The following SLC35F4 variants were observed in gnomAD, a reference collection of about 807,000 sequenced individuals.
SLC35F4 encodes solute carrier family 35 member F4, also known as chromosome 14 open reading frame 36.
SLC35F4 carries 24 observed loss-of-function variants against 44.2 expected under a neutral mutation model. That is an observed-to-expected ratio of 0.54 (90% CI 0.39 to 0.76). The LOEUF (loss-of-function observed/expected upper bound fraction) is 0.76, where lower values mean the gene tolerates loss of function less well. Among genes scored for constraint, SLC35F4 ranks in the 30% least tolerant of loss-of-function variants. SLC35F4 has a pLI of 0.00. For missense variants in SLC35F4, 562 were observed against 586.1 expected, an observed-to-expected ratio of 0.96 and a Z score of 0.42; for synonymous variants, 238 against 223.6, an observed-to-expected ratio of 1.06 and a Z score of -0.57.
chr14:57,669,759 C>G (rs920576221), intron 1 of SLC35F4, among the ~76,000 whole-genome samples: 2 of 151,980 alleles, frequency 1.3e-5, no homozygotes, highest in South Asian at 4.1e-4. Context: ...ATTTTTGCAT[C>G]AATGTTCACC....
intron 3 of SLC35F4, among the ~76,000 whole-genome samples, chr14:57,582,511 C>A (rs1280494230): frequency 6.6e-6 from 1 of 152,100 alleles, no homozygotes; most frequent in Non-Finnish European, 1.5e-5. Context: ...TCTGAGGGGC[C>A]ATTTTAATAA....
At chr14:57,592,559 T>C (rs2070256412) in intron 2 of SLC35F4, among the ~76,000 whole-genome samples, 2 of 152,316 alleles carry the variant, frequency 1.3e-5, no homozygotes, top group Admixed American at 6.5e-5. Context: ...ACATTTTGTT[T>C]TGCAAACAAC....
At chr14:57,791,364 C>A (rs1001302946) in intron 1 of SLC35F4, among the ~76,000 whole-genome samples, 1 of 152,088 alleles carries the variant, frequency 6.6e-6, no homozygotes, top group African/African-American at 2.4e-5. Context: ...TTATGGCCAA[C>A]AAACATGTGA....
chr14:57,808,020 A>G (rs913381089), intron 1 of SLC35F4, among the ~76,000 whole-genome samples: 1 of 151,632 alleles, frequency 6.6e-6, no homozygotes, highest in Non-Finnish European at 1.5e-5. Flanking sequence ...ATTATCATGA[A>G]CACAGCACAA....
At chr14:57,675,103 A>T (rs1009191660) in intron 1 of SLC35F4, among the ~76,000 whole-genome samples, 1 of 152,084 alleles carries the variant, frequency 6.6e-6, no homozygotes, top group African/African-American at 2.4e-5. Context: ...GGTAGAAAAC[A>T]ACCAGAACAG....
chr14:57,902,205 C>T (rs1889015153), intron 1 of SLC35F4, among the ~76,000 whole-genome samples: 1 of 152,126 alleles, frequency 6.6e-6, no homozygotes, highest in Non-Finnish European at 1.5e-5. Flanking sequence ...TTTGTCCAGT[C>T]CTTTTGAGAA....
chr14:57,650,380 CA>C (rs774573118), intron 1 of SLC35F4, among the ~76,000 whole-genome samples: 4 of 152,134 alleles, frequency 2.6e-5, no homozygotes, highest in Non-Finnish European at 4.4e-5. Flanking sequence ...TTTCTCTCCT[CA>C]GACATTTACA....
At chr14:57,967,392 T>A (rs533527376) in intron 1 of SLC35F4, among the ~76,000 whole-genome samples, 1 of 152,326 alleles carries the variant, frequency 6.6e-6, no homozygotes, top group East Asian at 1.9e-4. Flanking sequence ...TTCTTCTACA[T>A]CCTATTCCAT....
chr14:57,825,717 C>T (rs1039263934), intron 1 of SLC35F4, among the ~76,000 whole-genome samples: 1 of 152,042 alleles, frequency 6.6e-6, no homozygotes, highest in Non-Finnish European at 1.5e-5. Flanking sequence ...TTCCTATATA[C>T]CGACAATAGA....
At chr14:57,977,986 A>C (rs1410821140) in intron 1 of SLC35F4, among the ~76,000 whole-genome samples, 1 of 152,144 alleles carries the variant, frequency 6.6e-6, no homozygotes, top group African/African-American at 2.4e-5. Flanking sequence ...TTCAGGGAGG[A>C]GCAAAAATGA....
At chr14:57,632,380 A>G (rs1372827032) in intron 1 of SLC35F4, among the ~76,000 whole-genome samples, 1 of 151,876 alleles carries the variant, frequency 6.6e-6, no homozygotes, top group Non-Finnish European at 1.5e-5. Flanking sequence ...AAAATGAAGG[A>G]AAAAAAAGAG....
rs992045818 is a variant in SLC35F4, at chr14:57,743,494, G to A, written c.103+122229C>T. ...ATCTAGAAGAAATGGATAAATTCCT[G>A]GACACATACACCCTCCCAAGACTAA... is the stretch of plus-strand genomic sequence containing the variant. On this transcript the variant is annotated intron_variant, in intron 1 of 7. Transcript: ENST00000556826. Among the ~76,000 whole-genome samples the A allele has an allele frequency of 2.6e-5, 4 of 152,196 alleles. No homozygotes were observed. The East Asian group carries it at 5.8e-4, about 22-fold the overall frequency.
rs1555384227 is a variant in SLC35F4 at position 57,758,037 on chromosome 14, G to GTGTGTA, written c.103+107685_103+107686insTACACA. On this transcript the variant is annotated intron_variant, in intron 1 of 7. Transcript: ENST00000556826. ...TGTGTGTGTGTGTGTGTGTGTGTGT[G>GTGTGTA]TGTGTTATTTTAATACTTTTAAAAA... 2.1e-4 allele frequency among the ~76,000 whole-genome samples: 31 copies of GTGTGTA among 149,168 alleles called. 1 individual carries two copies. The highest frequency in any genetic ancestry group is 7.3e-4 in the African/African-American group (29 of 39,532).
In SLC35F4 at chr14:57,941,348, A is replaced by T. The variant is rs189647841; in HGVS notation, n.282+40565T>A. Among the ~76,000 whole-genome samples the T allele has an allele frequency of 2.9e-3, 436 of 152,358 alleles. 5 individuals carry two copies. Among genetic ancestry groups the T allele is most frequent in the African/African-American group, 9.9e-3 (413 of 41,576 alleles). ...TGTAAATATAATAGGATATTATTCA[A>T]CAATAAAAAGGAATGAAGTACTGAT... is the stretch of plus-strand genomic sequence containing the variant. On this transcript the variant is annotated intron_variant and non_coding_transcript_variant, in intron 1 of 1. Transcript: ENST00000556568.
intron 2 of SLC35F4, among the ~76,000 whole-genome samples, chr14:57,592,373 T>A (rs2070245167): frequency 6.6e-6 from 1 of 152,256 alleles, no homozygotes; most frequent in Non-Finnish European, 1.5e-5. Flanking sequence ...GAGCTTCTTT[T>A]CAGATTATTC....
upstream of SLC35F4, among the ~76,000 whole-genome samples, chr14:57,868,763 G>A (rs533163738): frequency 9.2e-5 from 14 of 152,172 alleles, no homozygotes; most frequent in African/African-American, 2.2e-4. Flanking sequence ...CGTGCCCGGC[G>A]GAAGGAAGGA....
chr14:57,982,912 C>T (rs778629762), upstream of SLC35F4, among the ~76,000 whole-genome samples: 4 of 152,150 alleles, frequency 2.6e-5, no homozygotes, highest in Non-Finnish European at 4.4e-5. Context: ...GCTCCTCTCT[C>T]TCCATTTATG....
intron 1 of SLC35F4, among the ~76,000 whole-genome samples, chr14:57,978,821 C>A (rs1881290913): frequency 1.3e-5 from 2 of 152,206 alleles, no homozygotes; most frequent in South Asian, 4.1e-4. Flanking sequence ...AGAATAGGTT[C>A]CACTGAGTCT....
chr14:57,681,417 C>A (rs202170749), intron 1 of SLC35F4, among the ~76,000 whole-genome samples: 1 of 152,052 alleles, frequency 6.6e-6, no homozygotes, highest in African/African-American at 2.4e-5. Flanking sequence ...CCCATAAAAA[C>A]CCTAGAAGAA....
Sources: gnomAD v4.1 joint callset for allele counts (sites outside exome capture counted in the v4.1 genomes callset) on GRCh38, gnomAD v4.1.1 for gene constraint, MANE v1.5 for transcripts, NCBI Gene and HGNC (gene_info 2026-07-23, HGNC 2026-07-21) for gene names.